DIP2C: variants seen among roughly 807,000 people sequenced by gnomAD.
The protein encoded by DIP2C is DIP2 acetate--CoA ligase C (putative), also known as disco-interacting protein 2 homolog C.
DIP2C carries 33 observed loss-of-function variants against 192.4 expected under a neutral mutation model. The ratio of observed to expected loss-of-function variants is 0.17; its 90% confidence interval spans 0.13 to 0.23. The LOEUF is 0.23. Ranked by LOEUF, DIP2C falls within the 10% of genes least tolerant of loss-of-function variation. The pLI is 1.00. For synonymous variants in DIP2C, 979 were observed against 864.1 expected (o/e 1.13, Z -2.33); for missense variants, 1,537 against 2,110.1 (o/e 0.73, Z 5.32).
At position 349,373 on chromosome 10, in the gene DIP2C, G is replaced by A; in HGVS notation, c.3067C>T (p.His1023Tyr). The change falls in exon 25 of 37, where the codon CAC becomes TAC. Residue 1023 changes from histidine (H) to tyrosine (Y), a missense_variant. Physicochemically the swap from His to Tyr is moderately conservative, Grantham distance 83 (BLOSUM62 2). This residue lies in a region of DIP2C where 677 missense variants were observed against 989.9 expected (regional missense o/e 0.68). Coordinates refer to ENST00000280886, the MANE Select transcript of DIP2C (RefSeq NM_014974.3). ...GCCACGTGGTCGCCGTCCTGAAGGTGGCCCCTCTCCATCAGCATCACGGCG... is the reference window on the plus strand; with the variant it reads ...GCCACGTGGTCGCCGTCCTGAAGGTAGCCCCTCTCCATCAGCATCACGGCG... ...KIAVMLMERG[H>Y]LQDGDHVALV... The A allele has an allele frequency of 1.9e-6, 3 of 1,610,980 alleles. No homozygotes were observed. The highest frequency in any genetic ancestry group is 2.5e-6 in the Non-Finnish European group (3 of 1,179,720).
At chr10:372,598 C>T (rs1330023531) in intron 17 of DIP2C, among the ~76,000 whole-genome samples, 1 of 152,216 alleles carries the variant, frequency 6.6e-6, no homozygotes, top group Non-Finnish European at 1.5e-5. Flanking sequence ...GATTCCCTTG[C>T]TAGTCGGAGA....
chr10:420,942 C>A (rs569135260), intron 5 of DIP2C, among the ~76,000 whole-genome samples: 1 of 152,168 alleles, frequency 6.6e-6, no homozygotes. Flanking sequence ...CTCACGCGCA[C>A]GCAGACGCAC....
intron 1 of DIP2C, among the ~76,000 whole-genome samples, chr10:589,103 G>C (rs1452840622): frequency 6.6e-6 from 1 of 152,056 alleles, no homozygotes; most frequent in Admixed American, 6.6e-5. Flanking sequence ...GGTCATTTCA[G>C]ATGCTTTCAG....
chr10:348,489 G>T, intron 26 of DIP2C, 152 bp downstream of exon 26: 1 of 1,213,838 alleles, frequency 8.2e-7, no homozygotes, highest in Non-Finnish European at 1.1e-6. Flanking sequence ...TAGGCTCCCT[G>T]CAGGTAGAGA....
intron 9 of DIP2C, among the ~76,000 whole-genome samples, chr10:401,799 T>G (rs1262572101): frequency 1.3e-4 from 19 of 147,452 alleles, no homozygotes; most frequent in African/African-American, 4.3e-4. Flanking sequence ...TTTGGTACAT[T>G]TTCATCAGCA....
At chr10:524,129 C>T (rs766237113) in intron 1 of DIP2C, among the ~76,000 whole-genome samples, 2 of 152,130 alleles carry the variant, frequency 1.3e-5, no homozygotes, top group African/African-American at 2.4e-5. Flanking sequence ...GCTCCAGGCC[C>T]TAACGTCCAT....
intron 31 of DIP2C, among the ~76,000 whole-genome samples, chr10:313,989 C>G (rs1048131840): frequency 2.6e-5 from 4 of 152,110 alleles, no homozygotes; most frequent in Non-Finnish European, 5.9e-5. Flanking sequence ...TGTGAAAGAA[C>G]GAACAAACTC....
rs1966299969 is a variant in DIP2C at position 422,899 on chromosome 10, A to T, written c.529T>A (p.Ser177Thr). The T allele has an allele frequency of 1.2e-6, 2 of 1,613,780 alleles. No homozygotes were observed. Among genetic ancestry groups the T allele is most frequent in the Non-Finnish European group, 8.5e-7 (1 of 1,180,022 alleles). ...CCCCCGCTCTGCGTAGAGGACGAGGAGGTGGTGGACGTGGTGGAGCCGTGG... is the reference window on the plus strand; with the variant it reads ...CCCCCGCTCTGCGTAGAGGACGAGGTGGTGGTGGACGTGGTGGAGCCGTGG... ...AIHGSTTSTT[S>T]SSSTQSGGSG... is the part of the protein sequence containing the mutation. Residue 177 changes from serine (S) to threonine (T), a missense_variant, in exon 5 of 37, where the codon TCC becomes ACC. Ser to Thr is a moderately conservative substitution (Grantham distance 58). Coordinates refer to ENST00000280886, the MANE Select transcript of DIP2C (RefSeq NM_014974.3).
In DIP2C at chr10:279,361, AAATCTGCTTGGCTCTCCGGAGG is replaced by A. The variant is rs1163046400; in HGVS notation, c.4419-1806_4419-1785del. Among the ~76,000 whole-genome samples the A allele has an allele frequency of 5.9e-5, 9 of 152,298 alleles. No individual in the cohort carries two copies. The East Asian group carries it at 1.7e-3, about 29-fold the overall frequency. The stretch of plus-strand genomic sequence containing the variant: ...TGTATGGAATAGTCCTAGAGTATCC[AAATCTGCTTGGCTCTCCGGAGG>A]AATCAGCTTGGCTCTCTGGAGGAAC... On this transcript the variant is annotated intron_variant, in intron 36 of 36. Coordinates refer to ENST00000280886, the MANE Select transcript of DIP2C (RefSeq NM_014974.3).
chr10:470,364 A>G (rs999072614), intron 3 of DIP2C, among the ~76,000 whole-genome samples: 1 of 151,936 alleles, frequency 6.6e-6, no homozygotes, highest in Non-Finnish European at 1.5e-5. Flanking sequence ...GAGCCTGCAG[A>G]CTCTGAGCTG....
chr10:524,158 G>A (rs1323634254), intron 1 of DIP2C, among the ~76,000 whole-genome samples: 2 of 152,178 alleles, frequency 1.3e-5, no homozygotes, highest in African/African-American at 4.8e-5. Flanking sequence ...CCCTAGTGGG[G>A]CAGCTTCTAC....
At chr10:591,987 A>G (rs1187181408) in intron 1 of DIP2C, among the ~76,000 whole-genome samples, 1 of 152,226 alleles carries the variant, frequency 6.6e-6, no homozygotes, top group Non-Finnish European at 1.5e-5. Flanking sequence ...GTCGCCAGAA[A>G]ACCATATTCA....
intron 10 of DIP2C, among the ~76,000 whole-genome samples, chr10:398,320 G>A (rs12266486): frequency 1.3e-5 from 2 of 152,116 alleles, no homozygotes; most frequent in South Asian, 2.1e-4. Flanking sequence ...CTAAGACACT[G>A]GCTTCTATTG....
intron 10 of DIP2C, among the ~76,000 whole-genome samples, chr10:397,862 T>C (rs906300046): frequency 6.6e-6 from 1 of 152,138 alleles, no homozygotes; most frequent in African/African-American, 2.4e-5. Flanking sequence ...AAAGTTAACC[T>C]GAAAAACCAG....
At chr10:344,453 C>G (rs998073640) in intron 28 of DIP2C, among the ~76,000 whole-genome samples, 12 of 152,016 alleles carry the variant, frequency 7.9e-5, no homozygotes, top group African/African-American at 2.9e-4. Flanking sequence ...CTGAGAGGGT[C>G]ATGATGATTT....
chr10:570,911 T>TC (rs950828532), intron 1 of DIP2C, among the ~76,000 whole-genome samples: 2 of 152,162 alleles, frequency 1.3e-5, no homozygotes, highest in Admixed American at 6.5e-5. Context: ...AACAGCAGCA[T>TC]CCCCCTCCTC....
chr10:276,336 T>G lies in DIP2C; in HGVS notation c.*989A>C, dbSNP rs1015669284. ...AGAAGAAACTTTTAGACAGGGCTCC[T>G]GCGGTCTGCGACTGCTGGCAACAGC... is the stretch of plus-strand genomic sequence containing the variant. On this transcript the variant is annotated 3_prime_UTR_variant, in exon 37 of 37. Transcript: ENST00000280886. The G allele has an allele frequency of 5.9e-5, 9 of 152,660 alleles. No homozygotes were observed. The highest frequency in any genetic ancestry group is 1.3e-4 in the Non-Finnish European group (9 of 68,044). The allele number at this position is 152,660 out of a possible 1,614,324, so 9.5% of individuals were successfully genotyped here.
chr10:603,276 G>C (rs1393370745), intron 1 of DIP2C, among the ~76,000 whole-genome samples: 1 of 108,274 alleles, frequency 9.2e-6, no homozygotes, highest in African/African-American at 3.8e-5. Flanking sequence ...TCCAATCTGG[G>C]TGACAGAATG....
chr10:314,436 T>C (rs1026625459), intron 31 of DIP2C, among the ~76,000 whole-genome samples: 11 of 152,124 alleles, frequency 7.2e-5, no homozygotes. Context: ...TGCTCTTCCC[T>C]CCCCGGTCTC....
Sources: allele counts gnomAD v4.1 joint callset (sites outside exome capture counted in the v4.1 genomes callset), GRCh38; gene constraint gnomAD v4.1.1; regional missense constraint gnomAD v4.1.1; transcripts MANE v1.5; gene names NCBI Gene and HGNC (gene_info 2026-07-23, HGNC 2026-07-21).